PIK3R1: variants seen among roughly 807,000 people sequenced by gnomAD.
PIK3R1 encodes phosphoinositide-3-kinase regulatory subunit 1, also known as phosphatidylinositol 3-kinase regulatory subunit alpha.
A neutral mutation model predicts 98.0 loss-of-function variants in PIK3R1; 29 were observed. The ratio of observed to expected loss-of-function variants is 0.30; its 90% confidence interval spans 0.22 to 0.40. PIK3R1 has a LOEUF of 0.40. Ranked by LOEUF, PIK3R1 falls within the 10% of genes least tolerant of loss-of-function variation. The probability of loss-of-function intolerance (pLI) is 1.00; values close to 1 mark genes in which losing one functional copy is unlikely to be tolerated. For synonymous variants in PIK3R1, 282 were observed against 311.8 expected (o/e 0.90, Z 1.01); for missense variants, 596 against 872.7 (o/e 0.68, Z 3.99).
intron 4 of PIK3R1, among the ~76,000 whole-genome samples, chr5:68,277,726 G>A (rs537383988): frequency 3.8e-4 from 58 of 152,130 alleles, no homozygotes; most frequent in Non-Finnish European, 7.6e-4. Flanking sequence ...TTCTCTCCTA[G>A]GCCACAGCCC....
intron 2 of PIK3R1, among the ~76,000 whole-genome samples, chr5:68,256,445 G>T (rs1238692263): frequency 1.3e-5 from 2 of 152,072 alleles, no homozygotes; most frequent in Non-Finnish European, 2.9e-5. Flanking sequence ...TTCACCAGGA[G>T]GGTCTCGATC....
rs201254436 is a variant in PIK3R1 at position 68,294,516 on chromosome 5, T to G, written c.1426-20T>G. The G allele has an allele frequency of 7.7e-4, 1,221 of 1,583,572 alleles. 1 individual carries two copies. Among genetic ancestry groups the G allele is most frequent in the Non-Finnish European group, 9.9e-4 (1,147 of 1,160,730 alleles). On this transcript the variant is annotated intron_variant, in intron 11 of 15. Coordinates refer to ENST00000521381, the MANE Select transcript of PIK3R1 (RefSeq NM_181523.3). ...GTTCTATGAAAGGTATGACATTATCTTTTTAAAATTATGTTGCAGGAAATC... is the reference window on the plus strand; with the variant it reads ...GTTCTATGAAAGGTATGACATTATCGTTTTAAAATTATGTTGCAGGAAATC...
Position 68,299,863 on chromosome 5 carries a change from TG to T in PIK3R1, c.*2263del, listed in dbSNP as rs1301432758. ...GCCCTCAAACTTGACTCTACTGATC[TG>T]ACCATTTCCCTCTCATCGCCAGACA... On this transcript the variant is annotated 3_prime_UTR_variant, in exon 16 of 16. Transcript: ENST00000521381. The T allele has an allele frequency of 8.6e-6, 2 of 233,132 alleles. No homozygotes were observed. The highest frequency in any genetic ancestry group is 4.4e-5 in the African/African-American group (2 of 45,358). 14.4% of individuals were successfully genotyped at this position (233,132 alleles called of 1,614,324 possible).
At chr5:68,286,528 A>G (rs2112216419) in intron 7 of PIK3R1, among the ~76,000 whole-genome samples, 1 of 152,306 alleles carries the variant, frequency 6.6e-6, no homozygotes, top group African/African-American at 2.4e-5. Context: ...TTAAGCTAAT[A>G]AAGAACATGT....
intron 2 of PIK3R1, among the ~76,000 whole-genome samples, chr5:68,248,086 G>T: frequency 6.6e-6 from 1 of 151,824 alleles, no homozygotes; most frequent in Non-Finnish European, 1.5e-5. Context: ...CTGCATCCTG[G>T]GTTCAAGCAA....
intron 7 of PIK3R1, among the ~76,000 whole-genome samples, chr5:68,281,628 C>T (rs1228078821): frequency 6.6e-6 from 1 of 152,184 alleles, no homozygotes; most frequent in African/African-American, 2.4e-5. Flanking sequence ...TAAACAACCT[C>T]ATTTTGCTAT....
chr5:68,278,723 C>T (rs862716), intron 4 of PIK3R1, among the ~76,000 whole-genome samples: 1 of 152,022 alleles, frequency 6.6e-6, no homozygotes, highest in South Asian at 2.1e-4. Context: ...GGGTGGATCA[C>T]GAGGTCAGGA....
chr5:68,293,899 A>G, intron 11 of PIK3R1, 65 bp downstream of exon 11: 1 of 1,285,748 alleles, frequency 7.8e-7, no homozygotes, highest in Non-Finnish European at 1.1e-6. Flanking sequence ...CTAACATGGA[A>G]AAAAGAATTT....
chr5:68,229,973 A>G (rs1195956200), intron 2 of PIK3R1, among the ~76,000 whole-genome samples: 1 of 152,252 alleles, frequency 6.6e-6, no homozygotes, highest in East Asian at 1.9e-4. Flanking sequence ...TTCAGTAAGC[A>G]TGGTCTGAGT....
Position 68,265,684 on chromosome 5 carries a change from C to CT in PIK3R1, c.335-7705dup, listed in dbSNP as rs1356286035. Among the ~76,000 whole-genome samples, 3 of 152,138 alleles carry CT rather than the reference C, an allele frequency of 2.0e-5. No individual in the cohort carries two copies. The East Asian group carries it at 5.8e-4, about 29-fold the overall frequency. On this transcript the variant is annotated intron_variant, in intron 2 of 15. Transcript: ENST00000521381. The stretch of plus-strand genomic sequence containing the variant: ...TGAGGGTCAGGGCGTCAACATGAAT[C>CT]TGGGGGGAAGGGACACAATTCAGTC...
In PIK3R1 at chr5:68,292,275, A is replaced by G; in HGVS notation, c.933A>G (p.Pro311=). 5 of 1,613,178 alleles carry G rather than the reference A, an allele frequency of 3.1e-6. No individual in the cohort carries two copies. The highest frequency in any genetic ancestry group is 4.2e-6 in the Non-Finnish European group (5 of 1,179,286). The part of the protein sequence containing the change: ...RQPAPALPPK[P]PKPTTVANNG... Reference sequence around the variant, plus strand: ...CATCTGCAGCACTGCCTCCTAAACCACCAAAACCTACTACTGTAGCCAACA... The same window carrying G: ...CATCTGCAGCACTGCCTCCTAAACCGCCAAAACCTACTACTGTAGCCAACA... Residue 311 remains proline, a synonymous_variant, in exon 8 of 16, where the codon CCA becomes CCG. Transcript: ENST00000521381.
intron 2 of PIK3R1, among the ~76,000 whole-genome samples, chr5:68,250,904 C>T (rs1448212609): frequency 6.6e-6 from 1 of 152,208 alleles, no homozygotes; most frequent in Non-Finnish European, 1.5e-5. Flanking sequence ...TGCTTACCAG[C>T]AGTACTGAGC....
Position 68,299,015 on chromosome 5 carries a change from G to C in PIK3R1, c.*1414G>C, listed in dbSNP as rs1747890387. On this transcript the variant is annotated 3_prime_UTR_variant, in exon 16 of 16. Transcript: ENST00000521381. ...CTTCAGTCTTCTCTCACTTTGATTT[G>C]CTAGTTGTTATCAATTAATGACAAT... The C allele has an allele frequency of 8.6e-6, 2 of 233,310 alleles. No individual in the cohort carries two copies. Among genetic ancestry groups the C allele is most frequent in the African/African-American group, 4.4e-5 (2 of 45,304 alleles). The allele number at this position is 233,310 out of a possible 1,614,324, so 14.5% of individuals were successfully genotyped here.
At chr5:68,280,387 G>C in intron 5 of PIK3R1, 141 bp from the exon 6 acceptor site, 1 of 667,572 alleles carries the variant, frequency 1.5e-6, no homozygotes, top group Non-Finnish European at 2.7e-6. Context: ...AAGGACAAAT[G>C]TACTGTGTGC....
At chr5:68,244,793 G>A (rs1374359644) in intron 2 of PIK3R1, among the ~76,000 whole-genome samples, 1 of 152,016 alleles carries the variant, frequency 6.6e-6, no homozygotes, top group East Asian at 1.9e-4. Flanking sequence ...GTGACTCTGT[G>A]GGACTAGATG....
chr5:68,260,425 A>C (rs886833340), intron 2 of PIK3R1, among the ~76,000 whole-genome samples: 3 of 152,120 alleles, frequency 2.0e-5, no homozygotes, highest in African/African-American at 7.2e-5. Flanking sequence ...CTGTGCATGC[A>C]TGGGTTAAAA....
intron 14 of PIK3R1, 146 bp downstream of exon 14, chr5:68,295,634 TC>T: frequency 1.5e-6 from 1 of 684,580 alleles, no homozygotes; most frequent in Non-Finnish European, 2.5e-6. Flanking sequence ...AGTGCCATTA[TC>T]CAGAATTTTA....
Position 68,246,978 on chromosome 5 carries a change from T to C in PIK3R1, c.334+19969T>C, listed in dbSNP as rs527751834. Among the ~76,000 whole-genome samples the C allele has an allele frequency of 2.0e-5, 3 of 152,318 alleles. No individual in the cohort carries two copies. The South Asian group carries it at 6.2e-4, about 32-fold the overall frequency. On this transcript the variant is annotated intron_variant, in intron 2 of 15. Coordinates refer to ENST00000521381, the MANE Select transcript of PIK3R1 (RefSeq NM_181523.3). ...TCTGAAGCTGAATCCTTTGCCTAAA[T>C]TGTCTTAGCAATAAATCTTGCCACC...
intron 2 of PIK3R1, among the ~76,000 whole-genome samples, chr5:68,268,767 T>C (rs1406020876): frequency 6.6e-6 from 1 of 152,204 alleles, no homozygotes; most frequent in African/African-American, 2.4e-5. Context: ...AAAATATCTT[T>C]TTTTATGGTG....
Sources: gnomAD v4.1 joint callset for allele counts (sites outside exome capture counted in the v4.1 genomes callset) on GRCh38, gnomAD v4.1.1 for gene constraint, MANE v1.5 for transcripts, NCBI Gene and HGNC (gene_info 2026-07-23, HGNC 2026-07-21) for gene names.